Variants in CYS1 observed in about 807,000 individuals in gnomAD.
CYS1 encodes cystin-1.
CYS1 carries 5 observed loss-of-function variants against 9.6 expected under a neutral mutation model. The observed-to-expected ratio is 0.52, with a 90% CI of 0.27 to 1.10. The LOEUF is 1.10. CYS1 is among the 50% of genes least tolerant of loss of function. The pLI, the probability that CYS1 is intolerant of heterozygous loss-of-function variation, is 0.11. For missense variants in CYS1, 221 were observed against 207.9 expected (o/e 1.06, Z -0.39); for synonymous variants, 88 against 95.7 (o/e 0.92, Z 0.47).
chr2:10,060,170 C>T (rs1661607320), intron 2 of CYS1, among the ~76,000 whole-genome samples: 1 of 152,238 alleles, frequency 6.6e-6, no homozygotes, highest in South Asian at 2.1e-4. Context: ...GGCCAGCTGC[C>T]CACAGCCAGG....
At chr2:10,071,893 G>C (rs768288436) in intron 1 of CYS1, among the ~76,000 whole-genome samples, 23 of 152,138 alleles carry the variant, frequency 1.5e-4, no homozygotes, top group Non-Finnish European at 3.4e-4. Flanking sequence ...TGTGCGCCCT[G>C]TTTGTATGTG....
chr2:10,075,616 G>A (rs377195586), intron 1 of CYS1, among the ~76,000 whole-genome samples: 40 of 152,256 alleles, frequency 2.6e-4, no homozygotes, highest in African/African-American at 9.1e-4. Flanking sequence ...TCTTTACACC[G>A]TGAGTTCCAT....
At chr2:10,069,975 C>A (rs182995332) in intron 1 of CYS1, among the ~76,000 whole-genome samples, 1 of 152,328 alleles carries the variant, frequency 6.6e-6, no homozygotes, top group East Asian at 1.9e-4. Context: ...GAGGGAAAGG[C>A]TGCCCCAGGA....
chr2:10,069,971 A>G (rs4233875), intron 1 of CYS1, among the ~76,000 whole-genome samples: 41,261 of 152,170 alleles, frequency 0.27, 6,441 homozygotes, highest in East Asian at 0.61. Flanking sequence ...CTGTGAGGGA[A>G]AGGCTGCCCC....
intron 2 of CYS1, among the ~76,000 whole-genome samples, chr2:10,062,695 G>A (rs1163416276): frequency 6.6e-6 from 1 of 152,130 alleles, no homozygotes; most frequent in Non-Finnish European, 1.5e-5. Flanking sequence ...GAGCCACTGC[G>A]CCTGGCTGGG....
chr2:10,079,939 G>A lies in CYS1; in HGVS notation c.285C>T (p.Ala95=). 8.9e-7 allele frequency: 1 copy of A among 1,121,610 alleles called. No homozygotes were observed. The highest frequency in any genetic ancestry group is 1.1e-6 in the Non-Finnish European group (1 of 917,204). 69.5% of individuals were successfully genotyped at this position (1,121,610 alleles called of 1,614,324 possible). A position where few individuals can be genotyped will look rare whatever the true frequency, so the allele number is the denominator to read the frequency against. Residue 95 remains alanine, a synonymous_variant, in exon 1 of 3, where the codon GCC becomes GCT. Coordinates refer to ENST00000381813, the MANE Select transcript of CYS1 (RefSeq NM_001037160.3). ...GPPEPAPRRP[A]RLRPTAVAGS... is the part of the protein sequence containing the mutation. ...CCGCGACCGCGGTGGGTCGGAGCCG[G>A]GCTGGGCGGCGCGGGGCGGGCTCCG...
In CYS1 at chr2:10,080,148, C is replaced by T; in HGVS notation, c.76G>A (p.Gly26Arg). 1.9e-6 allele frequency: 2 copies of T among 1,047,454 alleles called. No individual in the cohort carries two copies. Among genetic ancestry groups the T allele is most frequent in the Non-Finnish European group, 2.3e-6 (2 of 872,844 alleles). 64.9% of individuals were successfully genotyped at this position (1,047,454 alleles called of 1,614,324 possible). Residue 26 changes from glycine to arginine, a missense_variant, in exon 1 of 3, where the codon GGA becomes AGA. Gly to Arg is a moderately radical substitution (Grantham distance 125). Coordinates refer to ENST00000381813, the MANE Select transcript of CYS1 (RefSeq NM_001037160.3). The surrounding 1 kb of genome is among the most constrained non-coding windows in gnomAD (Gnocchi z 6.4). ...RSPESLPAGP[G>R]AAALEGGTRR... ...GTCCCGCCCTCCAGGGCTGCCGCTC[C>T]GGGCCCCGCGGGGAGGCTCTCGGGG...
At chr2:10,079,599 C>T (rs930215209) in intron 1 of CYS1, among the ~76,000 whole-genome samples, 4 of 151,922 alleles carry the variant, frequency 2.6e-5, no homozygotes, top group Admixed American at 2.0e-4. Context: ...TCCAGGGCGG[C>T]CCGGGAAGGC....
In CYS1 at chr2:10,076,199, A is replaced by G. The variant is rs1157318623; in HGVS notation, c.318+3707T>C. On this transcript the variant is annotated intron_variant, in intron 1 of 2. Transcript: ENST00000381813. This position sits in a 1 kb window ranked among gnomAD's most constrained non-coding sequence, Gnocchi z 4.3. ...TCTCAAAAATAAAATAAAAATTAAA[A>G]TTAAAATACTGAATCTATGTCTACT... 2.0e-5 allele frequency among the ~76,000 whole-genome samples: 3 copies of G among 152,250 alleles called. No homozygotes were observed. The highest frequency in any genetic ancestry group is 2.0e-4 in the Admixed American group (3 of 15,292).
chr2:10,070,317 C>T lies in CYS1; in HGVS notation c.319-4361G>A, dbSNP rs150435370. Among the ~76,000 whole-genome samples, 206 of 152,260 alleles carry T rather than the reference C, an allele frequency of 1.4e-3. 2 individuals carry two copies. Among genetic ancestry groups the T allele is most frequent in the African/African-American group, 1.9e-3 (79 of 41,550 alleles). On this transcript the variant is annotated intron_variant, in intron 1 of 2. Coordinates refer to ENST00000381813, the MANE Select transcript of CYS1 (RefSeq NM_001037160.3). ...CCTTGACCTCTATCGCTGCGGTCCC[C>T]GTGCTGAGATGGAGAACCTGTTTTA...
rs1017568371 is a variant in CYS1, at chr2:10,058,587, C to T, written c.*266G>A. The T allele has an allele frequency of 2.9e-5, 11 of 383,328 alleles. No individual in the cohort carries two copies. Among genetic ancestry groups the T allele is most frequent in the African/African-American group, 1.8e-4 (9 of 49,668 alleles). The allele number at this position is 383,328 out of a possible 1,614,324, so 23.7% of individuals were successfully genotyped here. ...TCAGGCTCCAGAAGAACTGGGCAGG[C>T]TCCCCGCGTTGGGGAGGAGGCGCCG... On this transcript the variant is annotated 3_prime_UTR_variant, in exon 3 of 3. Transcript: ENST00000381813.
In CYS1 at chr2:10,080,180, C is replaced by T. The variant is rs1395119103; in HGVS notation, c.44G>A (p.Arg15Gln). The change falls in exon 1 of 3, where the codon CGG (arginine) becomes CAG (glutamine). Residue 15 changes from arginine (R) to glutamine (Q), a missense_variant. Arg to Gln is a conservative substitution (Grantham distance 43). Transcript: ENST00000381813. The surrounding 1 kb of genome is among the most constrained non-coding windows in gnomAD (Gnocchi z 6.4). ...CGCGGGGAGGCTCTCGGGGCTGCGCCGCCGCCTCAGAGTCCGGCTGCTCCG... is the reference window on the plus strand; with the variant it reads ...CGCGGGGAGGCTCTCGGGGCTGCGCTGCCGCCTCAGAGTCCGGCTGCTCCG... Reference protein sequence around the residue: ...SSRSSRTLRRRRSPESLPAGP... With the variant: ...SSRSSRTLRRQRSPESLPAGP... The T allele has an allele frequency of 4.7e-6, 5 of 1,070,656 alleles. No individual in the cohort carries two copies. The highest frequency in any genetic ancestry group is 5.6e-6 in the Non-Finnish European group (5 of 886,914). 66.3% of individuals were successfully genotyped at this position (1,070,656 alleles called of 1,614,324 possible).
At chr2:10,067,288 G>T (rs964006399) in intron 1 of CYS1, among the ~76,000 whole-genome samples, 20 of 152,012 alleles carry the variant, frequency 1.3e-4, no homozygotes, top group African/African-American at 4.8e-4. Context: ...AAAGTGCTGG[G>T]ATTACAGGCG....
At chr2:10,072,134 A>G (rs574832084) in intron 1 of CYS1, among the ~76,000 whole-genome samples, 2 of 151,288 alleles carry the variant, frequency 1.3e-5, no homozygotes, top group East Asian at 3.9e-4. Context: ...CCCAGGCTGG[A>G]GTGCAATGGT....
chr2:10,068,100 T>C (rs368404218), intron 1 of CYS1, among the ~76,000 whole-genome samples: 12 of 152,340 alleles, frequency 7.9e-5, no homozygotes, highest in Admixed American at 5.2e-4. Flanking sequence ...CCTCTCTTCA[T>C]CTCTGTCTAA....
In CYS1 at chr2:10,063,067, C is replaced by G. The variant is rs762051724; in HGVS notation, c.371+2837G>C. 3.9e-5 allele frequency among the ~76,000 whole-genome samples: 6 copies of G among 152,320 alleles called. No individual in the cohort carries two copies. The highest frequency in any genetic ancestry group is 3.4e-3 in the Middle Eastern group (1 of 294). ...CTCTGCTGCTTCCGCAGGGCCCTCC[C>G]GGGGGAAGGACCTGGCGTTGTCAGG... On this transcript the variant is annotated intron_variant, in intron 2 of 2. Coordinates refer to ENST00000381813, the MANE Select transcript of CYS1 (RefSeq NM_001037160.3). The surrounding 1 kb of genome is among the most constrained non-coding windows in gnomAD (Gnocchi z 4.2).
chr2:10,074,592 A>G (rs1236883814), intron 1 of CYS1, among the ~76,000 whole-genome samples: 1 of 152,212 alleles, frequency 6.6e-6, no homozygotes, highest in East Asian at 1.9e-4. Context: ...TTTGCAATGC[A>G]TGTTTTCAAT....
chr2:10,059,811 G>A (rs1661602633), intron 2 of CYS1, among the ~76,000 whole-genome samples: 1 of 152,268 alleles, frequency 6.6e-6, no homozygotes, highest in African/African-American at 2.4e-5. Context: ...GGAACCACAC[G>A]TTCAGGATCC....
chr2:10,075,357 C>T (rs1417023659), intron 1 of CYS1, among the ~76,000 whole-genome samples: 1 of 152,242 alleles, frequency 6.6e-6, no homozygotes, highest in African/African-American at 2.4e-5. Context: ...TGCATTTACG[C>T]ACCCCTTCCC....
Sources: gnomAD v4.1 joint callset for allele counts (sites outside exome capture counted in the v4.1 genomes callset) on GRCh38, gnomAD v4.1.1 for gene constraint, Gnocchi (gnomAD v3.1) non-coding constraint, MANE v1.5 for transcripts, NCBI Gene and HGNC (gene_info 2026-07-23, HGNC 2026-07-21) for gene names.